The following SNF8 variants were observed in gnomAD, a reference collection of about 807,000 sequenced individuals.
The protein encoded by SNF8 is SNF8 subunit of ESCRT-II, also known as vacuolar-sorting protein SNF8.
In SNF8, 19 loss-of-function variants were observed where a neutral mutation model predicts 36.8. The ratio of observed to expected loss-of-function variants is 0.52; its 90% CI spans 0.36 to 0.76. SNF8 has a LOEUF of 0.76. SNF8 is among the 30% of genes least tolerant of loss of function. The pLI, the probability that SNF8 is intolerant of heterozygous loss-of-function variation, is 0.00. For synonymous variants in SNF8, 127 were observed against 127.4 expected, an observed-to-expected ratio of 1.00 and a Z score of 0.02; for missense variants, 268 against 322.9, an observed-to-expected ratio of 0.83 and a Z score of 1.30.
At chr17:48,937,874 C>T (rs1378743782) in intron 3 of SNF8, among the ~76,000 whole-genome samples, 2 of 151,620 alleles carry the variant, frequency 1.3e-5, no homozygotes, top group Admixed American at 6.6e-5. Context: ...TGCAGTGAGC[C>T]GGGATTACGC....
rs2040945305 is a variant in SNF8 at position 48,937,063 on chromosome 17, G to A, written c.306C>T (p.Val102=). ...GCGCCAGGCACACTTCGATAATTTG[G>A]ACACCTAGTTCGTAATAGAAGTCCC... is the stretch of plus-strand genomic sequence containing the variant. ...GVGDFYYELG[V]QIIEVCLALK... The change falls in exon 4 of 8, where the codon GTC becomes GTT. Residue 102 remains valine (V), a synonymous_variant. Transcript: ENST00000502492. 2 of 1,614,074 alleles carry A rather than the reference G, an allele frequency of 1.2e-6. No individual in the cohort carries two copies. The highest frequency in any genetic ancestry group is 1.7e-6 in the Non-Finnish European group (2 of 1,180,030).
chr17:48,944,393 T>C (rs1465681008), intron 1 of SNF8, among the ~76,000 whole-genome samples: 3 of 152,242 alleles, frequency 2.0e-5, no homozygotes, highest in Non-Finnish European at 4.4e-5. Context: ...GGAGGATCTC[T>C]GTAAATTGTT....
rs927581065 is a variant in SNF8 at position 48,929,857 on chromosome 17, A to G, written c.*618T>C. 5 of 152,338 alleles carry G rather than the reference A, an allele frequency of 3.3e-5. No homozygotes were observed. The highest frequency in any genetic ancestry group is 1.3e-4 in the Admixed American group (2 of 15,296). The allele number at this position is 152,338 out of a possible 1,614,324, so 9.4% of individuals were successfully genotyped here. A position where few individuals can be genotyped will look rare whatever the true frequency, so the allele number is the denominator to read the frequency against. On this transcript the variant is annotated 3_prime_UTR_variant, in exon 8 of 8. Transcript: ENST00000502492. Reference sequence around the variant, plus strand: ...CTACTGAGGCTAGAGGGACCTGGCAATCACTACAGGAGGGTGAGAAAGCTA... The same window carrying G: ...CTACTGAGGCTAGAGGGACCTGGCAGTCACTACAGGAGGGTGAGAAAGCTA...
At chr17:48,933,008 C>G in intron 6 of SNF8, 197 bp downstream of exon 6, 2 of 507,056 alleles carry the variant, frequency 3.9e-6, no homozygotes, top group Non-Finnish European at 6.9e-6. Context: ...TCTTTATATG[C>G]CCCACAGCCT....
At chr17:48,930,690 C>G in intron 7 of SNF8, 78 bp from the exon 8 acceptor site, 1 of 1,451,858 alleles carries the variant, frequency 6.9e-7, no homozygotes, top group South Asian at 1.4e-5. Context: ...AACCCCCACA[C>G]CTATTTTGGC....
At chr17:48,934,290 C>T (rs2040902985) in intron 5 of SNF8, among the ~76,000 whole-genome samples, 2 of 151,716 alleles carry the variant, frequency 1.3e-5, no homozygotes, top group Admixed American at 6.6e-5. Flanking sequence ...ATGAGTATGG[C>T]TAGTAATCTT....
In SNF8 at chr17:48,942,703, C is replaced by T. The variant is rs556442536; in HGVS notation, c.105+1222G>A. ...CTGAGGTATTTAAAATGAAAAGCCC[C>T]AGAGGACCTAAATCAATAACAGCTC... On this transcript the variant is annotated intron_variant, in intron 2 of 7. Transcript: ENST00000502492. Among the ~76,000 whole-genome samples the T allele has an allele frequency of 2.0e-5, 3 of 152,218 alleles. No homozygotes were observed. In the South Asian group the frequency reaches 6.2e-4, roughly 32 times the overall value.
intron 5 of SNF8, among the ~76,000 whole-genome samples, chr17:48,934,278 C>G (rs1207139790): frequency 6.6e-6 from 1 of 151,704 alleles, no homozygotes; most frequent in East Asian, 1.9e-4. Flanking sequence ...ATGAAATCTG[C>G]AATGAGTATG....
At chr17:48,936,963 G>C in intron 4 of SNF8, 57 bp downstream of exon 4, 1 of 1,263,280 alleles carries the variant, frequency 7.9e-7, no homozygotes. Flanking sequence ...ATCTTTTACG[G>C]TTTTCTCCCT....
intron 3 of SNF8, among the ~76,000 whole-genome samples, chr17:48,938,624 C>T (rs1598090154): frequency 6.6e-6 from 1 of 152,066 alleles, no homozygotes; most frequent in Non-Finnish European, 1.5e-5. Context: ...AATCCCAGCA[C>T]TTTGGGAGGT....
In SNF8 at chr17:48,931,864, C is replaced by T. The variant is rs7224381; in HGVS notation, c.565-147G>A. 478 of 582,372 alleles carry T rather than the reference C, an allele frequency of 8.2e-4. 2 individuals are homozygous for T. The highest frequency in any genetic ancestry group is 6.3e-3 in the African/African-American group (330 of 52,370). The allele number at this position is 582,372 out of a possible 1,614,324, so 36.1% of individuals were successfully genotyped here. A position where few individuals can be genotyped will look rare whatever the true frequency, so the allele number is the denominator to read the frequency against. The stretch of plus-strand genomic sequence containing the variant: ...CACAGAAAATGTTTAAAGGTTCCAG[C>T]GGGGAGAGAGAGAAGTGACTTTCAG... On this transcript the variant is annotated intron_variant, in intron 6 of 7. Coordinates refer to ENST00000502492, the MANE Select transcript of SNF8 (RefSeq NM_007241.4).
At chr17:48,936,330 G>T in intron 4 of SNF8, 88 bp from the exon 5 acceptor site, 1 of 986,216 alleles carries the variant, frequency 1.0e-6, no homozygotes, top group Non-Finnish European at 1.6e-6. Flanking sequence ...TGGCCTACAA[G>T]TAGCAAATAA....
chr17:48,942,051 C>T (rs181185005), intron 2 of SNF8, among the ~76,000 whole-genome samples: 94 of 152,140 alleles, frequency 6.2e-4, no homozygotes, highest in Non-Finnish European at 8.2e-4. Context: ...ATGAACCTCC[C>T]TGGGGATCAA....
chr17:48,943,052 G>A (rs924020861), intron 2 of SNF8, among the ~76,000 whole-genome samples: 9 of 150,326 alleles, frequency 6.0e-5, no homozygotes, highest in Admixed American at 5.3e-4. Context: ...TTTTAGTAGA[G>A]ACGGGGTTTC....
chr17:48,930,717 A>G, intron 7 of SNF8, 105 bp from the exon 8 acceptor site: 7 of 1,207,762 alleles, frequency 5.8e-6, no homozygotes, highest in Non-Finnish European at 8.0e-6. Context: ...GAGGTTTTCA[A>G]ACTAAATCTA....
intron 2 of SNF8, among the ~76,000 whole-genome samples, chr17:48,941,518 C>T (rs1232625550): frequency 6.6e-6 from 1 of 152,008 alleles, no homozygotes; most frequent in Non-Finnish European, 1.5e-5. Context: ...CCCCCCCAGC[C>T]GACAGAAAGG....
Position 48,930,434 on chromosome 17 carries a change from GCCT to G in SNF8, c.*38_*40del, listed in dbSNP as rs759997346. The G allele has an allele frequency of 5.5e-6, 8 of 1,461,724 alleles. No individual in the cohort carries two copies. In the African/African-American group the frequency reaches 9.9e-5, roughly 18 times the overall value. The allele number at this position is 1,461,724 out of a possible 1,614,324, so 90.5% of individuals were successfully genotyped here. A position where few individuals can be genotyped will look rare whatever the true frequency, so the allele number is the denominator to read the frequency against. ...TTGCCCAGGTTTATTTGCCACCTCCGCCTCCTCCCTGCCTGCTGCTGTGTGCCC... is the reference window on the plus strand; with the variant it reads ...TTGCCCAGGTTTATTTGCCACCTCCGCCTCCCTGCCTGCTGCTGTGTGCCC... On this transcript the variant is annotated 3_prime_UTR_variant, in exon 8 of 8. Coordinates refer to ENST00000502492, the MANE Select transcript of SNF8 (RefSeq NM_007241.4).
At chr17:48,930,892 A>G (rs1438047607) in intron 7 of SNF8, among the ~76,000 whole-genome samples, 1 of 152,196 alleles carries the variant, frequency 6.6e-6, no homozygotes, top group African/African-American at 2.4e-5. Context: ...CTACAGAAAT[A>G]TTTGCTGTGT....
chr17:48,936,326 A>C, intron 4 of SNF8, 84 bp from the exon 5 acceptor site: 1 of 1,029,140 alleles, frequency 9.7e-7, no homozygotes, highest in East Asian at 2.5e-5. Context: ...CCAGTGGCCT[A>C]CAAGTAGCAA....
Sources: allele counts gnomAD v4.1 joint callset (sites outside exome capture counted in the v4.1 genomes callset), GRCh38; gene constraint gnomAD v4.1.1; transcripts MANE v1.5; gene names NCBI Gene and HGNC (gene_info 2026-07-23, HGNC 2026-07-21).